GULP1: variants seen among roughly 807,000 people sequenced by gnomAD.
The protein encoded by GULP1 is PTB domain-containing engulfment adapter protein 1.
A neutral mutation model predicts 40.9 loss-of-function variants in GULP1; 19 were observed. The ratio of observed to expected loss-of-function variants is 0.46; its 90% CI spans 0.32 to 0.68. GULP1 has a LOEUF of 0.68. GULP1 is among the 30% of genes least tolerant of loss of function. The pLI is 0.03. For missense variants in GULP1, 312 were observed against 362.2 expected (o/e 0.86, Z 1.12); for synonymous variants, 119 against 117.6 (o/e 1.01, Z -0.08).
At chr2:188,518,167 G>T (rs1393234001) in intron 4 of GULP1, among the ~76,000 whole-genome samples, 1 of 152,016 alleles carries the variant, frequency 6.6e-6, no homozygotes, top group Non-Finnish European at 1.5e-5. Context: ...AGTGTCTTAG[G>T]CCAGTTTCTC....
intron 1 of GULP1, among the ~76,000 whole-genome samples, chr2:188,369,776 A>T (rs1246316293): frequency 6.6e-6 from 1 of 152,224 alleles, no homozygotes; most frequent in Non-Finnish European, 1.5e-5. Context: ...AGCTACAAAC[A>T]GACTAATTCT....
At chr2:188,474,549 G>C (rs1408939434) in intron 2 of GULP1, among the ~76,000 whole-genome samples, 3 of 152,148 alleles carry the variant, frequency 2.0e-5, no homozygotes, top group Admixed American at 6.6e-5. Context: ...TACAATTGCT[G>C]TGGTCTCCCT....
chr2:188,349,739 TTTA>T (rs763789696), intron 1 of GULP1, among the ~76,000 whole-genome samples: 2 of 152,152 alleles, frequency 1.3e-5, no homozygotes, highest in Non-Finnish European at 2.9e-5. Context: ...TATATTTTAT[TTTA>T]TTGTTTTTCT....
intron 2 of GULP1, among the ~76,000 whole-genome samples, chr2:188,469,437 A>G (rs2060405751): frequency 6.6e-6 from 1 of 152,172 alleles, no homozygotes; most frequent in African/African-American, 2.4e-5. Context: ...AACTGGGTAA[A>G]TTATAAAGAA....
At chr2:188,570,187 C>G in intron 9 of GULP1, 67 bp downstream of exon 9, 1 of 706,162 alleles carries the variant, frequency 1.4e-6, no homozygotes, top group East Asian at 2.8e-5. Flanking sequence ...ATCACTAGTT[C>G]TGCAATATTT....
chr2:188,389,734 A>G (rs1396222953), intron 2 of GULP1, among the ~76,000 whole-genome samples: 1 of 152,070 alleles, frequency 6.6e-6, no homozygotes, highest in Non-Finnish European at 1.5e-5. Context: ...CATTGTACCC[A>G]ATATGTAGTT....
intron 1 of GULP1, among the ~76,000 whole-genome samples, chr2:188,367,343 G>A (rs774570240): frequency 6.6e-5 from 10 of 152,216 alleles, no homozygotes; most frequent in Non-Finnish European, 8.8e-5. Flanking sequence ...AGACAGTTGC[G>A]TTCTAGTGAG....
chr2:188,477,368 C>T (rs2061098573), intron 2 of GULP1, among the ~76,000 whole-genome samples: 1 of 152,040 alleles, frequency 6.6e-6, no homozygotes, highest in South Asian at 2.1e-4. Flanking sequence ...ATTGATCTTT[C>T]TTCTCCTTAA....
chr2:188,541,063 C>A lies in GULP1; in HGVS notation c.262-118C>A, dbSNP rs1446253685. On this transcript the variant is annotated intron_variant, in intron 6 of 11. Coordinates refer to ENST00000409830, the MANE Select transcript of GULP1 (RefSeq NM_016315.4). ...GTTGGGGTGTACATAATTATAAAAT[C>A]AAAGATTGACAGATGATTGTTCTAC... The A allele has an allele frequency of 6.0e-6, 5 of 840,140 alleles. No individual in the cohort carries two copies. In the East Asian group the frequency reaches 1.3e-4, roughly 22 times the overall value. The allele number at this position is 840,140 out of a possible 1,614,324, so 52.0% of individuals were successfully genotyped here.
At chr2:188,356,705 A>G (rs970226788) in intron 1 of GULP1, among the ~76,000 whole-genome samples, 5 of 152,148 alleles carry the variant, frequency 3.3e-5, no homozygotes, top group Admixed American at 6.6e-5. Flanking sequence ...TTCTTACAAA[A>G]CTACCAAAGA....
intron 2 of GULP1, among the ~76,000 whole-genome samples, chr2:188,470,492 A>C (rs774268379): frequency 6.6e-6 from 1 of 152,022 alleles, no homozygotes; most frequent in Non-Finnish European, 1.5e-5. Flanking sequence ...AATTTTTAAG[A>C]TGTATCATTA....
At chr2:188,450,439 C>G (rs1009065707) in intron 2 of GULP1, among the ~76,000 whole-genome samples, 1 of 151,944 alleles carries the variant, frequency 6.6e-6, no homozygotes, top group Admixed American at 6.6e-5. Flanking sequence ...ATAATAGTTA[C>G]CTGGAGTAAT....
At chr2:188,492,601 A>G (rs2062499919) in intron 4 of GULP1, among the ~76,000 whole-genome samples, 1 of 152,012 alleles carries the variant, frequency 6.6e-6, no homozygotes, top group South Asian at 2.1e-4. Context: ...GTAAGTAAGG[A>G]AAGTGATGCT....
chr2:188,455,849 A>G (rs1160639533), intron 2 of GULP1, among the ~76,000 whole-genome samples: 1 of 152,250 alleles, frequency 6.6e-6, no homozygotes, highest in East Asian at 1.9e-4. Flanking sequence ...GCTTTGACCA[A>G]AATGCTGATA....
intron 4 of GULP1, among the ~76,000 whole-genome samples, chr2:188,491,042 C>T (rs2062333582): frequency 6.6e-6 from 1 of 152,024 alleles, no homozygotes; most frequent in Non-Finnish European, 1.5e-5. Flanking sequence ...AAGCGATCCA[C>T]CCAACTTGAC....
At chr2:188,371,772 TCTACTCTACTATTA>T (rs1311729082) in intron 1 of GULP1, among the ~76,000 whole-genome samples, 2 of 152,140 alleles carry the variant, frequency 1.3e-5, no homozygotes, top group African/African-American at 4.8e-5. Flanking sequence ...TACTTGTCTG[TCTACTCTACTATTA>T]GATTAGAAAC....
intron 1 of GULP1, among the ~76,000 whole-genome samples, chr2:188,314,240 C>T (rs2038692083): frequency 6.6e-6 from 1 of 152,086 alleles, no homozygotes; most frequent in Non-Finnish European, 1.5e-5. Flanking sequence ...AATCTCTTCA[C>T]AAAAGTTTCC....
intron 7 of GULP1, among the ~76,000 whole-genome samples, chr2:188,547,075 T>A (rs1163210067): frequency 3.3e-5 from 5 of 151,934 alleles, no homozygotes; most frequent in Non-Finnish European, 7.4e-5. Context: ...AAAAGATAAA[T>A]CTCCAGGTGT....
At chr2:188,548,661 C>T (rs1459464459) in intron 7 of GULP1, among the ~76,000 whole-genome samples, 1 of 151,972 alleles carries the variant, frequency 6.6e-6, no homozygotes, top group Non-Finnish European at 1.5e-5. Flanking sequence ...AGTAATTCAT[C>T]TACCCTGTTT....
Sources: gnomAD v4.1 joint callset for allele counts (sites outside exome capture counted in the v4.1 genomes callset) on GRCh38, gnomAD v4.1.1 for gene constraint, MANE v1.5 for transcripts, NCBI Gene and HGNC (gene_info 2026-07-23, HGNC 2026-07-21) for gene names.